The following ASCC3 variants were observed in gnomAD, a reference collection of about 807,000 sequenced individuals.
The protein encoded by ASCC3 is activating signal cointegrator 1 complex subunit 3, also known as ASC-1 complex subunit P200.
A neutral mutation model predicts 256.3 loss-of-function variants in ASCC3; 158 were observed. The ratio of observed to expected loss-of-function variants is 0.62; its 90% CI spans 0.54 to 0.70. The LOEUF is 0.70. ASCC3 is among the 30% of genes least tolerant of loss of function. The probability of loss-of-function intolerance (pLI) is 0.00; values close to 1 mark genes in which losing one functional copy is unlikely to be tolerated. For missense variants in ASCC3, 2,259 were observed against 2,626.0 expected (o/e 0.86, Z 3.05); for synonymous variants, 948 against 883.4 (o/e 1.07, Z -1.30).
chr6:100,840,423 GCTCAAGCAATCCTCCCACCTCAGC>G (rs1344598629), intron 4 of ASCC3, among the ~76,000 whole-genome samples: 2 of 150,296 alleles, frequency 1.3e-5, no homozygotes, highest in African/African-American at 4.9e-5. Context: ...AACCTCCCAG[GCTCAAGCAATCCTCCCACCTCAGC>G]CTCCCAAGTA....
At chr6:100,832,189 T>C (rs78108121) in intron 4 of ASCC3, among the ~76,000 whole-genome samples, 1 of 152,050 alleles carries the variant, frequency 6.6e-6, no homozygotes, top group African/African-American at 2.4e-5. Context: ...GAAATGATTA[T>C]AGAAATACAT....
chr6:100,820,378 T>C (rs916813986), intron 4 of ASCC3, among the ~76,000 whole-genome samples: 1 of 152,056 alleles, frequency 6.6e-6, no homozygotes, highest in East Asian at 1.9e-4. Context: ...CCAAGACTAT[T>C]TAAAGGGAAA....
Position 100,848,343 on chromosome 6 carries a change from T to C in ASCC3, c.606A>G (p.Glu202=). ...CTGGGGTGCAAGCCTCCTGGAGATGTTCATTCAGAAACTTCTTATAATCTA... is the reference window on the plus strand; with the variant it reads ...CTGGGGTGCAAGCCTCCTGGAGATGCTCATTCAGAAACTTCTTATAATCTA... ...ISLDYKKFLN[E]HLQEACTPEL... is the part of the protein sequence containing the mutation. Residue 202 remains glutamate (E), a synonymous_variant, in exon 4 of 42, where the codon GAA becomes GAG. Transcript: ENST00000369162. The C allele has an allele frequency of 6.2e-7, 1 of 1,614,004 alleles. No homozygotes were observed. Among genetic ancestry groups the C allele is most frequent in the Non-Finnish European group, 8.5e-7 (1 of 1,179,926 alleles).
At chr6:100,699,004 C>T (rs1011796262) in intron 13 of ASCC3, among the ~76,000 whole-genome samples, 6 of 152,128 alleles carry the variant, frequency 3.9e-5, no homozygotes, top group African/African-American at 1.4e-4. Context: ...TGCTACATAA[C>T]CACATTTTGA....
chr6:100,700,628 G>A (rs1232936959), intron 13 of ASCC3, among the ~76,000 whole-genome samples: 1 of 152,228 alleles, frequency 6.6e-6, no homozygotes, highest in Non-Finnish European at 1.5e-5. Context: ...GCTGCTCAAG[G>A]CCATGGGAGC....
intron 37 of ASCC3, among the ~76,000 whole-genome samples, chr6:100,522,051 A>G (rs900613243): frequency 2.0e-5 from 3 of 152,176 alleles, no homozygotes; most frequent in Non-Finnish European, 4.4e-5. Flanking sequence ...TTGTTTTAGT[A>G]CACGGAGGAT....
intron 36 of ASCC3, among the ~76,000 whole-genome samples, chr6:100,547,104 G>A (rs909507590): frequency 2.0e-5 from 3 of 152,036 alleles, no homozygotes; most frequent in Non-Finnish European, 4.4e-5. Context: ...TTTTGACCAA[G>A]GCTCAAAGGC....
chr6:100,554,235 AGT>A (rs944776430), intron 36 of ASCC3, among the ~76,000 whole-genome samples: 22 of 152,188 alleles, frequency 1.4e-4, no homozygotes, highest in African/African-American at 5.1e-4. Context: ...ATGTTGGTTG[AGT>A]GTGTGTGTAT....
At chr6:100,539,739 C>A (rs562025795) in intron 37 of ASCC3, among the ~76,000 whole-genome samples, 2 of 151,816 alleles carry the variant, frequency 1.3e-5, no homozygotes, top group South Asian at 4.2e-4. Context: ...CATTACCCTC[C>A]GTCTTTCTCT....
intron 3 of ASCC3, chr6:100,857,085 C>T (rs1349363086): frequency 2.6e-5 from 4 of 152,078 alleles, no homozygotes; most frequent in Non-Finnish European, 5.9e-5. Context: ...CATTCTTGAT[C>T]CTAACAATAG....
chr6:100,595,436 A>T (rs1772242369), intron 34 of ASCC3, among the ~76,000 whole-genome samples: 1 of 152,216 alleles, frequency 6.6e-6, no homozygotes. Flanking sequence ...GCTTGACTAT[A>T]GCTAAGTAAA....
intron 1 of ASCC3, among the ~76,000 whole-genome samples, chr6:100,868,379 TC>T (rs910446614): frequency 1.3e-5 from 2 of 152,194 alleles, no homozygotes; most frequent in African/African-American, 4.8e-5. Context: ...TGTTTTATGC[TC>T]ACTGATTTCA....
intron 4 of ASCC3, among the ~76,000 whole-genome samples, chr6:100,847,613 A>T (rs535307142): frequency 1.3e-5 from 2 of 152,224 alleles, no homozygotes; most frequent in Non-Finnish European, 2.9e-5. Context: ...TGATTATTTA[A>T]CATGTTACTT....
chr6:100,726,068 TA>T (rs984633384), intron 10 of ASCC3, among the ~76,000 whole-genome samples: 2 of 150,094 alleles, frequency 1.3e-5, no homozygotes, highest in African/African-American at 4.9e-5. Flanking sequence ...GAAAAGGGAC[TA>T]AAAAATGATG....
intron 36 of ASCC3, among the ~76,000 whole-genome samples, chr6:100,554,456 G>A (rs1426730589): frequency 6.6e-6 from 1 of 152,132 alleles, no homozygotes; most frequent in Non-Finnish European, 1.5e-5. Flanking sequence ...ACAGATAAGA[G>A]GGCACTTGTA....
rs764111358 is a variant in ASCC3 at position 100,848,456 on chromosome 6, T to C, written c.493A>G (p.Lys165Glu). The change falls in exon 4 of 42, where the codon AAA becomes GAA. Residue 165 changes from lysine (K) to glutamate (E), a missense_variant. Lys to Glu is a moderately conservative substitution (Grantham distance 56). Coordinates refer to ENST00000369162, the MANE Select transcript of ASCC3 (RefSeq NM_006828.4). Reference protein sequence around the residue: ...KEHGDRVFFGKNLAFSFDMHD... With the variant: ...KEHGDRVFFGENLAFSFDMHD... The stretch of plus-strand genomic sequence containing the variant: ...ATGTCAAATGAAAATGCTAAATTTT[T>C]ACCAAAAAAAACCCTATCGCCATGT... The C allele has an allele frequency of 2.5e-6, 4 of 1,610,634 alleles. No homozygotes were observed. The highest frequency in any genetic ancestry group is 3.4e-6 in the Non-Finnish European group (4 of 1,178,576).
At chr6:100,520,538 A>G (rs1774253121) in intron 37 of ASCC3, among the ~76,000 whole-genome samples, 2 of 151,974 alleles carry the variant, frequency 1.3e-5, no homozygotes, top group South Asian at 2.1e-4. Flanking sequence ...ACTTTTTACA[A>G]TGAAGCTGCC....
chr6:100,868,992 T>C (rs1773612947), intron 1 of ASCC3, among the ~76,000 whole-genome samples: 1 of 152,226 alleles, frequency 6.6e-6, no homozygotes, highest in African/African-American at 2.4e-5. Context: ...TAAGATTGCT[T>C]ATTATAACAC....
chr6:100,695,660 G>T (rs1778047514), intron 13 of ASCC3, among the ~76,000 whole-genome samples: 1 of 152,122 alleles, frequency 6.6e-6, no homozygotes, highest in Non-Finnish European at 1.5e-5. Context: ...AAGGGAGTCT[G>T]GTAACCATAG....
Sources: gnomAD v4.1 joint callset for allele counts (sites outside exome capture counted in the v4.1 genomes callset) on GRCh38, gnomAD v4.1.1 for gene constraint, MANE v1.5 for transcripts, NCBI Gene and HGNC (gene_info 2026-07-23, HGNC 2026-07-21) for gene names.